CPLX1: variants seen among roughly 807,000 people sequenced by gnomAD.
CPLX1 encodes the protein complexin 1.
CPLX1 carries 6 observed loss-of-function variants against 15.6 expected under a neutral mutation model. The observed-to-expected ratio is 0.39, with a 90% CI of 0.21 to 0.76. The LOEUF (loss-of-function observed/expected upper bound fraction) is 0.76, where lower values mean the gene tolerates loss of function less well. CPLX1 is among the 30% of genes least tolerant of loss of function. The pLI, the probability that CPLX1 is intolerant of heterozygous loss-of-function variation, is 0.43. For missense variants in CPLX1, 242 were observed against 188.6 expected (o/e 1.28, Z -1.66); for synonymous variants, 91 against 75.2 (o/e 1.21, Z -1.08).
chr4:801,446 G>C (rs995975840), intron 2 of CPLX1, among the ~76,000 whole-genome samples: 2 of 152,178 alleles, frequency 1.3e-5, no homozygotes, highest in African/African-American at 4.8e-5. Flanking sequence ...AGAAACAGAT[G>C]GCAACTAAGT....
chr4:825,262 C>T (rs994214341), intron 1 of CPLX1, among the ~76,000 whole-genome samples: 1 of 152,182 alleles, frequency 6.6e-6, no homozygotes, highest in Non-Finnish European at 1.5e-5. Context: ...AAGCCGCTTT[C>T]TGAAATCACA....
intron 2 of CPLX1, among the ~76,000 whole-genome samples, chr4:813,095 T>C (rs1560245297): frequency 1.3e-5 from 2 of 151,166 alleles, no homozygotes; most frequent in Admixed American, 6.6e-5. Context: ...TGAAACCCCG[T>C]CTCTACTAAA....
At chr4:798,628 C>T (rs1746391078) in intron 2 of CPLX1, among the ~76,000 whole-genome samples, 1 of 152,194 alleles carries the variant, frequency 6.6e-6, no homozygotes, top group Non-Finnish European at 1.5e-5. Flanking sequence ...AACTCCTGGG[C>T]TCAAGTGATT....
intron 2 of CPLX1, chr4:804,897 G>A (rs901036196): frequency 4.1e-6 from 4 of 985,404 alleles, no homozygotes; most frequent in Non-Finnish European, 4.8e-6. Flanking sequence ...GAACGCAGGC[G>A]GCAGCCATTT....
chr4:810,022 A>G (rs1324703448), intron 2 of CPLX1, among the ~76,000 whole-genome samples: 1 of 149,642 alleles, frequency 6.7e-6, no homozygotes. Flanking sequence ...TTGTTCCTGC[A>G]CACGTCTGTG....
Position 786,502 on chromosome 4 carries a change from T to G in CPLX1, c.404A>C (p.Ter135SerextTer35), listed in dbSNP as rs767575897. 1 of 1,575,752 alleles carries G rather than the reference T, an allele frequency of 6.3e-7. No homozygotes were observed. The highest frequency in any genetic ancestry group is 1.1e-5 in the South Asian group (1 of 87,128). ...PGPLQDMLKK[*>S] The stretch of plus-strand genomic sequence containing the variant: ...GCGGGGCCGCTGTCCCGCGCGCGGC[T>G]ACTTCTTGAGCATGTCCTGCAGCGG... Residue 135 changes from the stop codon to serine, a stop_lost, in exon 4 of 4, where the codon TAG (stop) becomes TCG (serine). Coordinates refer to ENST00000304062, the MANE Select transcript of CPLX1 (RefSeq NM_006651.4).
chr4:818,362 G>A (rs900740438), intron 2 of CPLX1, among the ~76,000 whole-genome samples: 48 of 152,246 alleles, frequency 3.2e-4, no homozygotes, highest in Admixed American at 5.9e-4. Context: ...GCCCCGCCAC[G>A]GGCCTCGACT....
At chr4:805,802 A>G (rs1180753304) in intron 2 of CPLX1, among the ~76,000 whole-genome samples, 2 of 152,258 alleles carry the variant, frequency 1.3e-5, no homozygotes, top group Non-Finnish European at 2.9e-5. Context: ...CACAAACTGC[A>G]ACATGGATGA....
At chr4:815,767 C>G (rs1296622382) in intron 2 of CPLX1, among the ~76,000 whole-genome samples, 2 of 152,224 alleles carry the variant, frequency 1.3e-5, no homozygotes, top group African/African-American at 4.8e-5. Flanking sequence ...CCGTGAGAGG[C>G]TGTTGATACA....
At chr4:815,709 T>A in intron 2 of CPLX1, among the ~76,000 whole-genome samples, 1 of 152,224 alleles carries the variant, frequency 6.6e-6, no homozygotes, top group East Asian at 1.9e-4. Flanking sequence ...CAGCTGCAAT[T>A]GTAACAGGTT....
chr4:788,926 C>T (rs1746084551), intron 3 of CPLX1, among the ~76,000 whole-genome samples: 1 of 152,224 alleles, frequency 6.6e-6, no homozygotes, highest in Admixed American at 6.5e-5. Flanking sequence ...AAAGGAACCT[C>T]CCAGGTCAGG....
At chr4:810,047 C>CA (rs1553854090) in intron 2 of CPLX1, among the ~76,000 whole-genome samples, 1 of 120,328 alleles carries the variant, frequency 8.3e-6, no homozygotes, top group African/African-American at 3.3e-5. Flanking sequence ...TCTGCACTTT[C>CA]TTTTTTTTTT....
intron 2 of CPLX1, among the ~76,000 whole-genome samples, chr4:797,701 A>G (rs1028455732): frequency 6.6e-6 from 1 of 151,422 alleles, no homozygotes; most frequent in Non-Finnish European, 1.5e-5. Context: ...TGGGAGGCCA[A>G]GACCGGCGGA....
chr4:823,989 A>G (rs1292408442), intron 2 of CPLX1, among the ~76,000 whole-genome samples: 3 of 152,170 alleles, frequency 2.0e-5, no homozygotes, highest in Non-Finnish European at 2.9e-5. Flanking sequence ...GCGCTGCCTC[A>G]CCCAAGTGAA....
chr4:792,311 G>A, intron 3 of CPLX1, 122 bp downstream of exon 3: 2 of 792,430 alleles, frequency 2.5e-6, no homozygotes, highest in Non-Finnish European at 1.8e-6. Flanking sequence ...AGCCCCCAAA[G>A]GGTAGGAGGC....
At chr4:817,779 A>G (rs1330386755) in intron 2 of CPLX1, among the ~76,000 whole-genome samples, 2 of 151,594 alleles carry the variant, frequency 1.3e-5, no homozygotes, top group South Asian at 2.1e-4. Context: ...CTTCCCCTCC[A>G]CTTCCATCTG....
At chr4:800,734 AATATATAT>A (rs60050126) in intron 2 of CPLX1, among the ~76,000 whole-genome samples, 1 of 88,728 alleles carries the variant, frequency 1.1e-5, no homozygotes, top group African/African-American at 4.7e-5. Flanking sequence ...TAAAAAAAAA[AATATATAT>A]ATATATATAT....
At chr4:813,591 C>G (rs1400098718) in intron 2 of CPLX1, among the ~76,000 whole-genome samples, 2 of 152,162 alleles carry the variant, frequency 1.3e-5, no homozygotes, top group African/African-American at 4.8e-5. Context: ...ACCAGAGACC[C>G]CCAGACTCAG....
At chr4:788,721 T>C (rs573819357) in intron 3 of CPLX1, among the ~76,000 whole-genome samples, 14 of 152,024 alleles carry the variant, frequency 9.2e-5, no homozygotes, top group African/African-American at 2.9e-4. Flanking sequence ...AGGGGTGTGC[T>C]GGGGAGAGCG....
Sources: allele counts gnomAD v4.1 joint callset (sites outside exome capture counted in the v4.1 genomes callset), GRCh38; gene constraint gnomAD v4.1.1; transcripts MANE v1.5; gene names NCBI Gene and HGNC (gene_info 2026-07-23, HGNC 2026-07-21).